Variants in CAMTA1 observed in about 807,000 individuals in gnomAD.
The protein encoded by CAMTA1 is calmodulin-binding transcription activator 1.
In CAMTA1, 27 loss-of-function variants were observed where a neutral mutation model predicts 170.9. That is an observed-to-expected ratio of 0.16 (90% CI 0.12 to 0.22). The LOEUF is 0.22. Ranked by LOEUF, CAMTA1 falls within the 10% of genes least tolerant of loss-of-function variation. The probability of loss-of-function intolerance (pLI) is 1.00; values close to 1 mark genes in which losing one functional copy is unlikely to be tolerated. For synonymous variants in CAMTA1, 833 were observed against 891.5 expected, an observed-to-expected ratio of 0.93 and a Z score of 1.17; for missense variants, 1,619 against 2,217.2, an observed-to-expected ratio of 0.73 and a Z score of 5.42.
At chr1:7,221,607 C>T (rs180708818) in intron 4 of CAMTA1, among the ~76,000 whole-genome samples, 1 of 152,042 alleles carries the variant, frequency 6.6e-6, no homozygotes, top group African/African-American at 2.4e-5. Flanking sequence ...CTCTCCAGGC[C>T]CGTGGAATGG....
intron 6 of CAMTA1, among the ~76,000 whole-genome samples, chr1:7,559,551 G>T (rs551506857): frequency 3.2e-4 from 49 of 152,348 alleles, no homozygotes; most frequent in African/African-American, 9.6e-4. Flanking sequence ...GTGTTTTCAC[G>T]CCGAGCACAG....
At chr1:7,088,821 A>T (rs1008455036) in intron 3 of CAMTA1, among the ~76,000 whole-genome samples, 3 of 152,308 alleles carry the variant, frequency 2.0e-5, no homozygotes, top group Admixed American at 2.0e-4. Flanking sequence ...GATCTCCTGA[A>T]GTTCAGGTAG....
At chr1:6,871,496 C>T (rs1356048598) in intron 3 of CAMTA1, among the ~76,000 whole-genome samples, 1 of 152,070 alleles carries the variant, frequency 6.6e-6, no homozygotes, top group Admixed American at 6.5e-5. Context: ...TTCCAGAAAA[C>T]AGGTTATGGG....
chr1:7,737,591 C>A (rs200581518), intron 15 of CAMTA1, 21 bp downstream of exon 15: 105 of 1,581,230 alleles, frequency 6.6e-5, no homozygotes, highest in Non-Finnish European at 8.4e-5. Flanking sequence ...AGAATCATGA[C>A]ATCTCAGAGC....
chr1:6,856,424 A>G (rs1662428445), intron 3 of CAMTA1, among the ~76,000 whole-genome samples: 1 of 151,998 alleles, frequency 6.6e-6, no homozygotes, highest in Admixed American at 6.6e-5. Context: ...GAGATACATA[A>G]CAGCAGACAA....
chr1:7,525,910 C>T (rs2094426270), intron 6 of CAMTA1, among the ~76,000 whole-genome samples: 1 of 152,076 alleles, frequency 6.6e-6, no homozygotes, highest in African/African-American at 2.4e-5. Flanking sequence ...CCCACAGACC[C>T]ACGGCCTGTG....
At chr1:6,932,353 T>C (rs567225972) in intron 3 of CAMTA1, among the ~76,000 whole-genome samples, 42 of 152,322 alleles carry the variant, frequency 2.8e-4, no homozygotes, top group African/African-American at 9.9e-4. Flanking sequence ...GTATCAGTAA[T>C]TCATTTCTTT....
intron 3 of CAMTA1, among the ~76,000 whole-genome samples, chr1:6,895,156 G>T (rs973138073): frequency 6.6e-6 from 1 of 152,148 alleles, no homozygotes; most frequent in Non-Finnish European, 1.5e-5. Context: ...TTCTCTGTCC[G>T]CTGTTAAAAG....
At chr1:7,369,617 C>G (rs1305211170) in intron 5 of CAMTA1, among the ~76,000 whole-genome samples, 1 of 151,962 alleles carries the variant, frequency 6.6e-6, no homozygotes, top group Non-Finnish European at 1.5e-5. Context: ...ACTAGCGTCT[C>G]CCCACAGCCT....
intron 5 of CAMTA1, among the ~76,000 whole-genome samples, chr1:7,461,898 T>C (rs1467142262): frequency 6.6e-6 from 1 of 152,262 alleles, no homozygotes; most frequent in Non-Finnish European, 1.5e-5. Context: ...TTTGTGTCTG[T>C]ATCATATGCA....
intron 5 of CAMTA1, among the ~76,000 whole-genome samples, chr1:7,359,930 A>G (rs2085411838): frequency 6.6e-6 from 1 of 152,098 alleles, no homozygotes; most frequent in Admixed American, 6.6e-5. Context: ...GAAGGGTGAA[A>G]GTCTCAGATC....
chr1:6,962,463 G>A (rs982107151), intron 3 of CAMTA1, among the ~76,000 whole-genome samples: 1 of 148,150 alleles, frequency 6.7e-6, no homozygotes, highest in Non-Finnish European at 1.5e-5. Context: ...TTCCGTTTTG[G>A]TTCCTCTCTC....
intron 3 of CAMTA1, among the ~76,000 whole-genome samples, chr1:7,082,144 A>G (rs1640097478): frequency 6.6e-6 from 1 of 152,158 alleles, no homozygotes; most frequent in South Asian, 2.1e-4. Flanking sequence ...GATGTTTCTA[A>G]AAAGCACAGC....
At chr1:7,313,333 G>C (rs769122732) in intron 5 of CAMTA1, among the ~76,000 whole-genome samples, 1 of 152,166 alleles carries the variant, frequency 6.6e-6, no homozygotes, top group Non-Finnish European at 1.5e-5. Flanking sequence ...AGTCCTGGCG[G>C]TACTCTGCTG....
chr1:7,270,069 A>G (rs917478359), intron 5 of CAMTA1, among the ~76,000 whole-genome samples: 9 of 151,984 alleles, frequency 5.9e-5, no homozygotes, highest in Non-Finnish European at 8.8e-5. Flanking sequence ...CTAGAATTCT[A>G]TATTCAGTGT....
At position 7,063,663 on chromosome 1, in the gene CAMTA1, G is replaced by A. The variant is rs1336213580; in HGVS notation, c.235-27641G>A. Among the ~76,000 whole-genome samples, 1 of 152,116 alleles carries A rather than the reference G, an allele frequency of 6.6e-6. No individual in the cohort carries two copies. The highest frequency in any genetic ancestry group is 1.5e-5 in the Non-Finnish European group (1 of 68,024). ...TCCCTGGACCTACCATTTGCATTTG[G>A]ACTTAGATTATTAGACATTTTCTTC... On this transcript the variant is annotated intron_variant, in intron 3 of 22. Transcript: ENST00000303635. The surrounding 1 kb of genome is among the most constrained non-coding windows in gnomAD (Gnocchi z 4.3).
rs1475759199 is a variant in CAMTA1 at position 7,352,457 on chromosome 1, G to T, written c.438+102831G>T. Reference sequence around the variant, plus strand: ...TGCACAAAGGCCCGACATCTTGTCGGGTTATTAACGGAGACACAGTGGCTG... The same window carrying T: ...TGCACAAAGGCCCGACATCTTGTCGTGTTATTAACGGAGACACAGTGGCTG... On this transcript the variant is annotated intron_variant, in intron 5 of 22. Transcript: ENST00000303635. 2.0e-5 allele frequency among the ~76,000 whole-genome samples: 3 copies of T among 152,272 alleles called. No individual in the cohort carries two copies. The South Asian group carries it at 6.2e-4, about 32-fold the overall frequency.
chr1:7,238,326 G>T (rs1472596694), intron 4 of CAMTA1, among the ~76,000 whole-genome samples: 1 of 152,112 alleles, frequency 6.6e-6, no homozygotes, highest in Non-Finnish European at 1.5e-5. Flanking sequence ...TTTGAATGTT[G>T]ACTCTCACGC....
At chr1:7,200,522 A>G (rs1177767320) in intron 4 of CAMTA1, among the ~76,000 whole-genome samples, 6 of 152,214 alleles carry the variant, frequency 3.9e-5, no homozygotes, top group Non-Finnish European at 8.8e-5. Context: ...CAGTTTCTTA[A>G]TCTGGAAGAG....
Sources: allele counts gnomAD v4.1 joint callset (sites outside exome capture counted in the v4.1 genomes callset), GRCh38; gene constraint gnomAD v4.1.1; non-coding constraint Gnocchi (gnomAD v3.1); transcripts MANE v1.5; gene names NCBI Gene and HGNC (gene_info 2026-07-23, HGNC 2026-07-21).